Variants in CENPQ observed in about 807,000 individuals in gnomAD.
The protein encoded by CENPQ is centromere protein Q.
CENPQ carries 27 observed loss-of-function variants against 36.6 expected under a neutral mutation model. That is an observed-to-expected ratio of 0.74 (90% CI 0.54 to 1.02). The LOEUF is 1.02. Ranked by LOEUF, CENPQ falls within the 50% of genes least tolerant of loss-of-function variation. CENPQ has a pLI of 0.00. For missense variants in CENPQ, 306 were observed against 301.8 expected, an observed-to-expected ratio of 1.01 and a Z score of -0.10; for synonymous variants, 101 against 101.7, an observed-to-expected ratio of 0.99 and a Z score of 0.04.
At chr6:49,470,449 C>CAAA (rs143329397) in intron 2 of CENPQ, among the ~76,000 whole-genome samples, 171 bp downstream of exon 2, 1 of 140,544 alleles carries the variant, frequency 7.1e-6, no homozygotes, top group African/African-American at 2.6e-5. Flanking sequence ...TTAAAAAAAA[C>CAAA]AAAAAAAAAA....
intron 6 of CENPQ, among the ~76,000 whole-genome samples, chr6:49,485,664 TAAAAGAGAA>T (rs1188737440): frequency 2.6e-5 from 4 of 151,904 alleles, no homozygotes; most frequent in Non-Finnish European, 4.4e-5. Flanking sequence ...GAATGAGACA[TAAAAGAGAA>T]AACCTTGCAG....
chr6:49,486,445 C>G (rs1033913316), intron 6 of CENPQ, among the ~76,000 whole-genome samples: 13 of 152,178 alleles, frequency 8.5e-5, no homozygotes, highest in African/African-American at 2.9e-4. Context: ...GGCTGAGGAA[C>G]CAGTTAAACT....
At chr6:49,463,640 G>C (rs897229524) in intron 1 of CENPQ, among the ~76,000 whole-genome samples, 187 bp downstream of exon 1, 3 of 152,112 alleles carry the variant, frequency 2.0e-5, no homozygotes, top group African/African-American at 4.8e-5. Context: ...GTTTGATTAG[G>C]GGGGAGGGAG....
intron 6 of CENPQ, among the ~76,000 whole-genome samples, chr6:49,487,297 G>T (rs1429635509): frequency 6.6e-6 from 1 of 150,988 alleles, no homozygotes; most frequent in Non-Finnish European, 1.5e-5. Flanking sequence ...CAACATTTTA[G>T]CCTTTATGGA....
intron 6 of CENPQ, among the ~76,000 whole-genome samples, chr6:49,485,414 A>G (rs947997250): frequency 1.3e-5 from 2 of 152,226 alleles, no homozygotes; most frequent in African/African-American, 2.4e-5. Flanking sequence ...TGTCATAAAA[A>G]TGGAGCCATA....
In CENPQ at chr6:49,480,945, C is replaced by T. The variant is rs779485065; in HGVS notation, c.348-6C>T. On this transcript the variant is annotated splice_polypyrimidine_tract_variant and splice_region_variant and intron_variant, in intron 5 of 8. Coordinates refer to ENST00000335783, the MANE Select transcript of CENPQ (RefSeq NM_018132.4). ...ACAAAATAATTGTTTTTATTTTATC[C>T]TTAAGATTGCTACAACAGTGTGAAA... 2 of 1,564,924 alleles carry T rather than the reference C, an allele frequency of 1.3e-6. No homozygotes were observed. Among genetic ancestry groups the T allele is most frequent in the Non-Finnish European group, 1.7e-6 (2 of 1,157,518 alleles).
At chr6:49,475,447 A>T (rs1375316835) in intron 5 of CENPQ, among the ~76,000 whole-genome samples, 1 of 152,246 alleles carries the variant, frequency 6.6e-6, no homozygotes, top group Non-Finnish European at 1.5e-5. Flanking sequence ...GCTTTTTATG[A>T]CAAATCCACA....
chr6:49,482,860 G>A (rs1207315382), intron 6 of CENPQ, among the ~76,000 whole-genome samples: 2 of 152,098 alleles, frequency 1.3e-5, no homozygotes, highest in Non-Finnish European at 2.9e-5. Context: ...CAGTGGGTTC[G>A]TGGTCTCGCT....
At chr6:49,475,619 A>T (rs866447950) in intron 5 of CENPQ, among the ~76,000 whole-genome samples, 5 of 152,312 alleles carry the variant, frequency 3.3e-5, no homozygotes, top group Middle Eastern at 3.4e-3. Context: ...AATTAGGAAA[A>T]GAGGAAGTCA....
intron 1 of CENPQ, among the ~76,000 whole-genome samples, chr6:49,466,959 C>G (rs1374092187): frequency 6.6e-6 from 1 of 152,062 alleles, no homozygotes; most frequent in African/African-American, 2.4e-5. Flanking sequence ...TGATTTTGAC[C>G]CAGGAGACAT....
chr6:49,475,145 C>T (rs1768252447), intron 5 of CENPQ, among the ~76,000 whole-genome samples: 2 of 151,540 alleles, frequency 1.3e-5, no homozygotes, highest in African/African-American at 4.8e-5. Flanking sequence ...GAATTTTAGA[C>T]CGATATCCCT....
chr6:49,477,800 T>A (rs1581849649), intron 5 of CENPQ, among the ~76,000 whole-genome samples: 1 of 152,162 alleles, frequency 6.6e-6, no homozygotes, highest in African/African-American at 2.4e-5. Context: ...GCTTGTAAAT[T>A]GCTTAAAGGT....
At position 49,492,356 on chromosome 6, in the gene CENPQ, C is replaced by A; in HGVS notation, c.*81C>A. On this transcript the variant is annotated 3_prime_UTR_variant, in exon 9 of 9. Transcript: ENST00000335783. ...AACTGTTAACCTATGATTATATGTA[C>A]AGAGGCTAAGGCTTCTGCAGGATTT... The A allele has an allele frequency of 7.9e-7, 1 of 1,262,828 alleles. No homozygotes were observed. The highest frequency in any genetic ancestry group is 1.1e-6 in the Non-Finnish European group (1 of 928,668). 78.2% of individuals were successfully genotyped at this position (1,262,828 alleles called of 1,614,324 possible).
chr6:49,479,885 G>C (rs1768387990), intron 5 of CENPQ, among the ~76,000 whole-genome samples: 2 of 152,080 alleles, frequency 1.3e-5, no homozygotes, highest in South Asian at 4.1e-4. Flanking sequence ...AAACCACATA[G>C]TGCATTTTCT....
intron 5 of CENPQ, among the ~76,000 whole-genome samples, chr6:49,478,901 A>G (rs1768365106): frequency 6.6e-6 from 1 of 152,178 alleles, no homozygotes; most frequent in African/African-American, 2.4e-5. Context: ...TATTCAAGCC[A>G]TGGTTTTAGT....
At chr6:49,465,842 G>A (rs371861617) in intron 1 of CENPQ, among the ~76,000 whole-genome samples, 118 of 152,262 alleles carry the variant, frequency 7.7e-4, no homozygotes, top group African/African-American at 2.7e-3. Context: ...TAATAAGGCT[G>A]TTTTTGCTTT....
intron 6 of CENPQ, among the ~76,000 whole-genome samples, chr6:49,481,752 A>G (rs570570217): frequency 3.1e-4 from 47 of 152,278 alleles, no homozygotes; most frequent in Non-Finnish European, 4.1e-4. Flanking sequence ...TCAGGAGCCC[A>G]GTTGGCTTCA....
chr6:49,479,248 A>T (rs1350200624), intron 5 of CENPQ, among the ~76,000 whole-genome samples: 1 of 152,092 alleles, frequency 6.6e-6, no homozygotes, highest in Non-Finnish European at 1.5e-5. Flanking sequence ...AAAGGTCTGT[A>T]TCAAGACTCT....
intron 8 of CENPQ, among the ~76,000 whole-genome samples, chr6:49,488,923 T>TA (rs1303606750): frequency 5.3e-5 from 8 of 152,194 alleles, no homozygotes; most frequent in South Asian, 2.1e-4. Context: ...GCTTTACTGC[T>TA]AAAAAATGTT....
Sources: allele counts gnomAD v4.1 joint callset (sites outside exome capture counted in the v4.1 genomes callset), GRCh38; gene constraint gnomAD v4.1.1; transcripts MANE v1.5; gene names NCBI Gene and HGNC (gene_info 2026-07-23, HGNC 2026-07-21).